The following KIAA1755 variants were observed in gnomAD, a reference collection of about 807,000 sequenced individuals.
KIAA1755 encodes uncharacterized protein KIAA1755.
KIAA1755 carries 68 observed loss-of-function variants against 91.7 expected under a neutral mutation model. That is an observed-to-expected ratio of 0.74 (90% confidence interval 0.61 to 0.91). KIAA1755 has a LOEUF of 0.91. Among genes scored for constraint, KIAA1755 ranks in the 40% least tolerant of loss-of-function variants. The probability of loss-of-function intolerance (pLI) is 0.00; values close to 1 mark genes in which losing one functional copy is unlikely to be tolerated. For missense variants in KIAA1755, 1,535 were observed against 1,494.4 expected (o/e 1.03, Z -0.45); for synonymous variants, 610 against 604.6 (o/e 1.01, Z -0.13).
At chr20:38,251,607 C>G (rs1301960581) in intron 1 of KIAA1755, among the ~76,000 whole-genome samples, 1 of 151,414 alleles carries the variant, frequency 6.6e-6, no homozygotes, top group Non-Finnish European at 1.5e-5. Flanking sequence ...ACTTTGTCAC[C>G]CAGGCTGGAG....
intron 6 of KIAA1755, among the ~76,000 whole-genome samples, chr20:38,227,828 G>A (rs1378550965): frequency 2.6e-5 from 4 of 152,226 alleles, no homozygotes; most frequent in East Asian, 1.9e-4. Context: ...CAAGGGGCGC[G>A]GGGTGCCAAG....
chr20:38,212,629 C>T lies in KIAA1755; in HGVS notation c.*413G>A, dbSNP rs1039909979. The T allele has an allele frequency of 1.8e-5, 3 of 164,530 alleles. No individual in the cohort carries two copies. Among genetic ancestry groups the T allele is most frequent in the Admixed American group, 6.0e-5 (1 of 16,646 alleles). 10.2% of individuals were successfully genotyped at this position (164,530 alleles called of 1,614,324 possible). A position where few individuals can be genotyped will look rare whatever the true frequency, so the allele number is the denominator to read the frequency against. ...ACAAGGAAGCACTCCCGAATCTCCCCGAGGATTCTGCCTAAGGGCAACACT... is the reference window on the plus strand; with the variant it reads ...ACAAGGAAGCACTCCCGAATCTCCCTGAGGATTCTGCCTAAGGGCAACACT... On this transcript the variant is annotated 3_prime_UTR_variant, in exon 14 of 14. Transcript: ENST00000279024.
At position 38,240,571 on chromosome 20, in the gene KIAA1755, G is replaced by A. The variant is rs1443304919; in HGVS notation, c.1549+11C>T. On this transcript the variant is annotated intron_variant, in intron 3 of 13. Transcript: ENST00000279024. ...AACCTCCTTGTACAGCTGAGCATGT[G>A]GGCATCTTACCTTTCCCCAAAGATT... 2 of 1,483,538 alleles carry A rather than the reference G, an allele frequency of 1.3e-6. No individual in the cohort carries two copies. The highest frequency in any genetic ancestry group is 1.8e-6 in the Non-Finnish European group (2 of 1,116,238). The allele number at this position is 1,483,538 out of a possible 1,614,324, so 91.9% of individuals were successfully genotyped here.
intron 1 of KIAA1755, among the ~76,000 whole-genome samples, chr20:38,249,090 G>A (rs2076204639): frequency 1.3e-5 from 2 of 152,126 alleles, no homozygotes; most frequent in South Asian, 4.1e-4. Flanking sequence ...TGCCCAGGCT[G>A]GTCTTGAACT....
chr20:38,221,194 A>AGGGACGGG (rs1254243865), intron 10 of KIAA1755, among the ~76,000 whole-genome samples: 2 of 152,118 alleles, frequency 1.3e-5, no homozygotes, highest in African/African-American at 2.4e-5. Context: ...GGAGGGACGG[A>AGGGACGGG]GGGACGGGGA....
At chr20:38,246,445 G>C (rs2076162414) in intron 1 of KIAA1755, among the ~76,000 whole-genome samples, 1 of 145,668 alleles carries the variant, frequency 6.9e-6, no homozygotes, top group South Asian at 2.4e-4. Flanking sequence ...CGGAGACGTG[G>C]AGGAATAGGG....
intron 1 of KIAA1755, among the ~76,000 whole-genome samples, chr20:38,257,991 C>T (rs914122107): frequency 3.9e-5 from 6 of 151,940 alleles, no homozygotes; most frequent in Non-Finnish European, 5.9e-5. Context: ...CCTCCGCCTC[C>T]GGGGTTCAAG....
chr20:38,219,205 C>T (rs1462470034), intron 11 of KIAA1755, among the ~76,000 whole-genome samples: 1 of 152,106 alleles, frequency 6.6e-6, no homozygotes, highest in Non-Finnish European at 1.5e-5. Context: ...TCGGCACCGG[C>T]AGTCAGATGA....
intron 8 of KIAA1755, among the ~76,000 whole-genome samples, chr20:38,223,967 C>T (rs1421420518): frequency 6.6e-6 from 1 of 152,094 alleles, no homozygotes; most frequent in Non-Finnish European, 1.5e-5. Context: ...TGAGCGACTC[C>T]CAGGCCAGTG....
Position 38,260,614 on chromosome 20 carries a change from G to A in KIAA1755, c.-114C>T. 1 of 1,367,686 alleles carries A rather than the reference G, an allele frequency of 7.3e-7. No individual in the cohort carries two copies. Among genetic ancestry groups the A allele is most frequent in the Non-Finnish European group, 9.6e-7 (1 of 1,043,736 alleles). The allele number at this position is 1,367,686 out of a possible 1,614,324, so 84.7% of individuals were successfully genotyped here. ...TCGGTCCCGCCTAGCCCTGGAGCCA[G>A]GGGATAGGGCAGGCCCGGGGCACCG... On this transcript the variant is annotated 5_prime_UTR_variant, in exon 1 of 14. Coordinates refer to ENST00000279024, the MANE Select transcript of KIAA1755 (RefSeq NM_001029864.2).
At chr20:38,239,855 T>C in intron 3 of KIAA1755, 130 bp from the exon 4 acceptor site, 1 of 874,272 alleles carries the variant, frequency 1.1e-6, no homozygotes, top group East Asian at 2.6e-5. Flanking sequence ...GTGCCAGGCA[T>C]TGCGCTAAGC....
At chr20:38,257,591 A>C (rs1366557750) in intron 1 of KIAA1755, among the ~76,000 whole-genome samples, 1 of 151,902 alleles carries the variant, frequency 6.6e-6, no homozygotes, top group Non-Finnish European at 1.5e-5. Flanking sequence ...AAAAAAAAAA[A>C]AAAAAAAAAA....
intron 3 of KIAA1755, among the ~76,000 whole-genome samples, chr20:38,240,109 TCTTC>T (rs1436950404): frequency 5.3e-5 from 8 of 151,950 alleles, no homozygotes; most frequent in Non-Finnish European, 1.0e-4. Context: ...CTTCCTTCCG[TCTTC>T]CTTCCTTCCT....
intron 11 of KIAA1755, 33 bp from the exon 12 acceptor site, chr20:38,218,399 G>A: frequency 6.2e-7 from 1 of 1,612,114 alleles, no homozygotes; most frequent in Non-Finnish European, 8.5e-7. Context: ...GGACATGAGG[G>A]GCTGCTAGGA....
In KIAA1755 at chr20:38,215,478, A is replaced by C. The variant is rs549873654; in HGVS notation, c.2902-1735T>G. 6.6e-5 allele frequency among the ~76,000 whole-genome samples: 10 copies of C among 152,334 alleles called. No individual in the cohort carries two copies. The East Asian group carries it at 1.7e-3, about 26-fold the overall frequency. On this transcript the variant is annotated intron_variant, in intron 13 of 13. Transcript: ENST00000279024. ...TCGCCTCGCAGGCACCATGCAAGAG[A>C]CAAGCGAGTGACAAGGACCAGGACA...
chr20:38,232,865 C>T (rs1221560898), intron 4 of KIAA1755, among the ~76,000 whole-genome samples: 1 of 152,060 alleles, frequency 6.6e-6, no homozygotes, highest in African/African-American at 2.4e-5. Context: ...TGCCTGTAAT[C>T]CCAGCATTTT....
At chr20:38,249,744 C>G (rs2076215461) in intron 1 of KIAA1755, among the ~76,000 whole-genome samples, 1 of 133,698 alleles carries the variant, frequency 7.5e-6, no homozygotes. Context: ...GAGGGGCCTT[C>G]AACTTGGCAG....
intron 2 of KIAA1755, among the ~76,000 whole-genome samples, chr20:38,244,810 G>A (rs1045547285): frequency 5.3e-5 from 8 of 152,148 alleles, no homozygotes; most frequent in African/African-American, 1.9e-4. Flanking sequence ...CTGGGTTCAA[G>A]CGATTCTCCT....
intron 11 of KIAA1755, 32 bp downstream of exon 11, chr20:38,219,598 C>T (rs747225493): frequency 1.2e-6 from 2 of 1,611,910 alleles, no homozygotes; most frequent in South Asian, 2.2e-5. Context: ...CCAGGCAGAA[C>T]CCCCACACCC....
Sources: gnomAD v4.1 joint callset for allele counts (sites outside exome capture counted in the v4.1 genomes callset) on GRCh38, gnomAD v4.1.1 for gene constraint, MANE v1.5 for transcripts, NCBI Gene and HGNC (gene_info 2026-07-23, HGNC 2026-07-21) for gene names.